Variants in GLIS3 observed in about 807,000 individuals in gnomAD.
The protein encoded by GLIS3 is GLIS family zinc finger 3.
A neutral mutation model predicts 78.6 loss-of-function variants in GLIS3; 53 were observed. The ratio of observed to expected loss-of-function variants is 0.67; its 90% confidence interval spans 0.54 to 0.85. The LOEUF (loss-of-function observed/expected upper bound fraction) is 0.85, where lower values mean the gene tolerates loss of function less well. Among genes scored for constraint, GLIS3 ranks in the 40% least tolerant of loss-of-function variants. The pLI is 0.00. For missense variants in GLIS3, 1,703 were observed against 1,231.1 expected, an observed-to-expected ratio of 1.38 and a Z score of -5.74; for synonymous variants, 684 against 509.9, an observed-to-expected ratio of 1.34 and a Z score of -4.60.
the GLIS3 span, among the ~76,000 whole-genome samples, chr9:4,385,110 T>C: frequency 6.6e-6 from 1 of 152,208 alleles, no homozygotes; most frequent in Non-Finnish European, 1.5e-5. Flanking sequence ...AATCTAACAC[T>C]CCTCAGAACA....
rs142522534 is a variant in GLIS3 at position 3,901,833 on chromosome 9, T to C, written c.1984-2998A>G. On this transcript the variant is annotated intron_variant, in intron 6 of 10. Coordinates refer to ENST00000381971, the MANE Select transcript of GLIS3 (RefSeq NM_001042413.2). Reference sequence around the variant, plus strand: ...GGACCTTTGGAAGGTATGTTTGTTATTTTTGTACTAACCTAATACATGCCG... The same window carrying C: ...GGACCTTTGGAAGGTATGTTTGTTACTTTTGTACTAACCTAATACATGCCG... Among the ~76,000 whole-genome samples, 833 of 152,356 alleles carry C rather than the reference T, an allele frequency of 5.5e-3. 5 individuals are homozygous for C. The highest frequency in any genetic ancestry group is 7.6e-3 in the Non-Finnish European group (517 of 68,034).
At chr9:4,300,536 C>T (rs1449348675), upstream of GLIS3, among the ~76,000 whole-genome samples, 3 of 152,062 alleles carry the variant, frequency 2.0e-5, no homozygotes, top group South Asian at 6.2e-4. Flanking sequence ...CTAAGGAAGG[C>T]TTTGGCATCC....
At chr9:3,984,519 C>T (rs1819569931) in intron 4 of GLIS3, among the ~76,000 whole-genome samples, 1 of 152,182 alleles carries the variant, frequency 6.6e-6, no homozygotes, top group African/African-American at 2.4e-5. Context: ...AATGCCTGTA[C>T]CCCCATCATA....
At chr9:4,467,173 C>T in the GLIS3 span, among the ~76,000 whole-genome samples, 1 of 152,214 alleles carries the variant, frequency 6.6e-6, no homozygotes, top group African/African-American at 2.4e-5. Flanking sequence ...CTCAAGGAGG[C>T]CTGCCTGCCT....
intron 9 of GLIS3, among the ~76,000 whole-genome samples, chr9:3,840,875 T>C (rs1818672547): frequency 1.3e-5 from 2 of 152,218 alleles, no homozygotes; most frequent in Non-Finnish European, 1.5e-5. Context: ...GCACCTCATC[T>C]GGTCTGTAGC....
intron 4 of GLIS3, among the ~76,000 whole-genome samples, chr9:4,110,955 A>C (rs2130844037): frequency 6.6e-6 from 1 of 152,320 alleles, no homozygotes; most frequent in Middle Eastern, 3.4e-3. Flanking sequence ...TGGACCCTAA[A>C]ATGACAACAC....
intron 2 of GLIS3, among the ~76,000 whole-genome samples, chr9:4,184,506 G>A (rs888703926): frequency 2.0e-5 from 3 of 152,118 alleles, no homozygotes; most frequent in Admixed American, 2.0e-4. Flanking sequence ...TGAGACTGAG[G>A]AGCGCCTAGT....
chr9:4,196,800 C>T (rs1818898249), intron 2 of GLIS3, among the ~76,000 whole-genome samples: 1 of 152,202 alleles, frequency 6.6e-6, no homozygotes, highest in South Asian at 2.1e-4. Context: ...ATTTCGGACA[C>T]ACAACTACAG....
At chr9:4,451,247 A>T in the GLIS3 span, among the ~76,000 whole-genome samples, 1 of 152,232 alleles carries the variant, frequency 6.6e-6, no homozygotes, top group African/African-American at 2.4e-5. Context: ...CAAAAGAGAC[A>T]AAGAAGGCCA....
At chr9:4,396,759 C>T in the GLIS3 span, among the ~76,000 whole-genome samples, 1 of 152,086 alleles carries the variant, frequency 6.6e-6, no homozygotes, top group Non-Finnish European at 1.5e-5. Context: ...CAGGACATAC[C>T]TCGTTAGTCC....
At chr9:3,930,316 C>T (rs978211869) in intron 6 of GLIS3, among the ~76,000 whole-genome samples, 2 of 152,106 alleles carry the variant, frequency 1.3e-5, no homozygotes, top group African/African-American at 4.8e-5. Context: ...GACAGTGTCT[C>T]CATTTACATA....
At chr9:4,242,666 C>A (rs994246013) in intron 2 of GLIS3, among the ~76,000 whole-genome samples, 14 of 152,124 alleles carry the variant, frequency 9.2e-5, no homozygotes, top group African/African-American at 3.1e-4. Flanking sequence ...CAATAAGAAG[C>A]CACTAACTGC....
chr9:3,879,022 A>G (rs985791920), intron 8 of GLIS3, among the ~76,000 whole-genome samples: 1 of 152,204 alleles, frequency 6.6e-6, no homozygotes, highest in Non-Finnish European at 1.5e-5. Context: ...GTATTCAATG[A>G]GCAGCCTACA....
chr9:3,852,828 A>G (rs976138182), intron 9 of GLIS3, among the ~76,000 whole-genome samples: 4 of 152,212 alleles, frequency 2.6e-5, no homozygotes, highest in African/African-American at 9.7e-5. Context: ...TAATTTCTCA[A>G]TTTGCCTAAC....
chr9:3,848,680 C>A (rs966049515), intron 9 of GLIS3, among the ~76,000 whole-genome samples: 4 of 152,192 alleles, frequency 2.6e-5, no homozygotes, highest in African/African-American at 9.7e-5. Context: ...CTTGTACTTG[C>A]CACCTCGCTG....
At chr9:3,970,002 C>A (rs751516692) in intron 4 of GLIS3, among the ~76,000 whole-genome samples, 21 of 152,202 alleles carry the variant, frequency 1.4e-4, no homozygotes, top group Admixed American at 4.6e-4. Context: ...ATTGTACAGT[C>A]ATTTCATGTT....
At position 4,299,824 on chromosome 9, in the gene GLIS3, G is replaced by C. The variant is rs1014992333; in HGVS notation, c.-502C>G. The C allele has an allele frequency of 3.3e-5, 5 of 152,526 alleles. No individual in the cohort carries two copies. Among genetic ancestry groups the C allele is most frequent in the African/African-American group, 1.2e-4 (5 of 41,442 alleles). 9.4% of individuals were successfully genotyped at this position (152,526 alleles called of 1,614,324 possible). ...TCGTCCTGGGCCGGGGAATGCTTCT[G>C]GGGGCCGACCCCGGGATGCTGGCTA... On this transcript the variant is annotated 5_prime_UTR_variant, in exon 1 of 11. Transcript: ENST00000381971.
intron 2 of GLIS3, among the ~76,000 whole-genome samples, chr9:4,162,196 G>A (rs926199382): frequency 6.6e-6 from 1 of 152,046 alleles, no homozygotes; most frequent in Non-Finnish European, 1.5e-5. Context: ...CTGCATTCTT[G>A]TCTCTGTGTC....
Position 3,932,474 on chromosome 9 carries a change from A to C in GLIS3, c.1873-4T>G. The C allele has an allele frequency of 6.3e-7, 1 of 1,598,142 alleles. No homozygotes were observed. The highest frequency in any genetic ancestry group is 8.6e-7 in the Non-Finnish European group (1 of 1,165,600). On this transcript the variant is annotated splice_polypyrimidine_tract_variant and splice_region_variant and intron_variant, in intron 5 of 10. Coordinates refer to ENST00000381971, the MANE Select transcript of GLIS3 (RefSeq NM_001042413.2). ...GAATTTGACAAGCATAAGGTTTCTAAATGAGAAAGAAAGAAAGAAACAGCT... is the reference window on the plus strand; with the variant it reads ...GAATTTGACAAGCATAAGGTTTCTACATGAGAAAGAAAGAAAGAAACAGCT...
Sources: allele counts gnomAD v4.1 joint callset (sites outside exome capture counted in the v4.1 genomes callset), GRCh38; gene constraint gnomAD v4.1.1; transcripts MANE v1.5; gene names NCBI Gene and HGNC (gene_info 2026-07-23, HGNC 2026-07-21).